DBX2: variants seen among roughly 807,000 people sequenced by gnomAD.
DBX2 encodes homeobox protein DBX2.
A neutral mutation model predicts 17.7 loss-of-function variants in DBX2; 16 were observed. That is an observed-to-expected ratio of 0.90 (90% CI 0.61 to 1.37). The LOEUF (loss-of-function observed/expected upper bound fraction) is 1.37. Ranked by LOEUF, DBX2 falls within the 40% of genes most tolerant of loss-of-function variation. DBX2 has a pLI of 0.00. For missense variants in DBX2, 538 were observed against 433.8 expected (o/e 1.24, Z -2.13); for synonymous variants, 255 against 183.8 (o/e 1.39, Z -3.13).
At position 45,037,452 on chromosome 12, in the gene DBX2, G is replaced by T. The variant is rs528644197; in HGVS notation, c.404-1338C>A. On this transcript the variant is annotated intron_variant, in intron 1 of 3. Transcript: ENST00000332700. ...GTCTTAGGGAAAGAATGAGGATCAA[G>T]AATTAATCCTTCCCCTGCTTCCTGA... Among the ~76,000 whole-genome samples, 3 of 152,252 alleles carry T rather than the reference G, an allele frequency of 2.0e-5. No individual in the cohort carries two copies. The South Asian group carries it at 6.2e-4, about 32-fold the overall frequency.
intron 1 of DBX2, among the ~76,000 whole-genome samples, chr12:45,039,427 T>G (rs1946459416): frequency 2.0e-5 from 3 of 151,034 alleles, no homozygotes; most frequent in African/African-American, 4.9e-5. Context: ...ATAGATGTGC[T>G]GTAAACCCTT....
chr12:45,035,782 T>C (rs940980992), intron 2 of DBX2, among the ~76,000 whole-genome samples: 4 of 152,118 alleles, frequency 2.6e-5, no homozygotes, highest in African/African-American at 7.2e-5. Context: ...GGAAAACAAG[T>C]TGCTTTCGGT....
At position 45,023,825 on chromosome 12, in the gene DBX2, C is replaced by T. The variant is rs2137020334; in HGVS notation, c.569G>A (p.Arg190Lys). Residue 190 changes from arginine to lysine, a missense_variant, in exon 3 of 4, where the codon AGA becomes AAA. Arg to Lys is a conservative substitution (Grantham distance 26). Transcript: ENST00000332700. ...NSKARRGILR[R>K]AVFSEDQRKA... is the part of the protein sequence containing the mutation. The stretch of plus-strand genomic sequence containing the variant: ...TCTCTGGTCCTCAGAAAAGACAGCT[C>T]TTCTTAAAATGCCCCTCCGAGCTTT... 6.2e-7 allele frequency: 1 copy of T among 1,610,652 alleles called. No individual in the cohort carries two copies. The highest frequency in any genetic ancestry group is 8.5e-7 in the Non-Finnish European group (1 of 1,178,686).
chr12:45,023,328 G>A (rs1946363312), intron 3 of DBX2, among the ~76,000 whole-genome samples: 1 of 152,238 alleles, frequency 6.6e-6, no homozygotes, highest in East Asian at 1.9e-4. Flanking sequence ...CCTACTTTTT[G>A]AAGAATTATT....
At chr12:45,035,671 T>G (rs1409619032) in intron 2 of DBX2, among the ~76,000 whole-genome samples, 1 of 152,174 alleles carries the variant, frequency 6.6e-6, no homozygotes, top group African/African-American at 2.4e-5. Flanking sequence ...ACAGCACAAT[T>G]TTTCGCCTTC....
Position 45,050,995 on chromosome 12 carries a change from G to T in DBX2, c.-68C>A. On this transcript the variant is annotated 5_prime_UTR_variant, in exon 1 of 4. Coordinates refer to ENST00000332700, the MANE Select transcript of DBX2 (RefSeq NM_001004329.3). Reference sequence around the variant, plus strand: ...GCCTGTCGCCCGGGCGCCCCGCACCGCACCCAGAGCCGCAGCTTCTCGCCG... The same window carrying T: ...GCCTGTCGCCCGGGCGCCCCGCACCTCACCCAGAGCCGCAGCTTCTCGCCG... 1 of 1,324,238 alleles carries T rather than the reference G, an allele frequency of 7.6e-7. No homozygotes were observed. The highest frequency in any genetic ancestry group is 3.2e-5 in the East Asian group (1 of 31,446). The allele number at this position is 1,324,238 out of a possible 1,614,324, so 82.0% of individuals were successfully genotyped here.
chr12:45,034,128 C>CA (rs1565583826), intron 2 of DBX2, among the ~76,000 whole-genome samples: 49 of 150,094 alleles, frequency 3.3e-4, no homozygotes, highest in African/African-American at 1.1e-3. Context: ...ACACCCACAC[C>CA]CACACACACA....
rs990061509 is a variant in DBX2, at chr12:45,032,304, GA to G, written c.499+3714del. On this transcript the variant is annotated intron_variant, in intron 2 of 3. Coordinates refer to ENST00000332700, the MANE Select transcript of DBX2 (RefSeq NM_001004329.3). Reference sequence around the variant, plus strand: ...TATAATTAGCCTCCTTTTTATATTAGAAAAAAAATTCTGCATCCCTCTGAAG... The same window carrying G: ...TATAATTAGCCTCCTTTTTATATTAGAAAAAAATTCTGCATCCCTCTGAAG... 3.9e-5 allele frequency among the ~76,000 whole-genome samples: 6 copies of G among 152,008 alleles called. No individual in the cohort carries two copies. In the East Asian group the frequency reaches 9.7e-4, roughly 24 times the overall value.
chr12:45,018,651 A>G (rs1246227277), intron 3 of DBX2, among the ~76,000 whole-genome samples: 1 of 152,086 alleles, frequency 6.6e-6, no homozygotes, highest in Non-Finnish European at 1.5e-5. Context: ...AAAACTACCC[A>G]ACAAAACTAA....
Position 45,050,866 on chromosome 12 carries a change from G to A in DBX2, c.62C>T (p.Ala21Val), listed in dbSNP as rs894257354. ...GGGCGCAGCGGGGAGGTTGAGGAGCGCGGAGGAAGCCACAACGTCCCAGTA... is the reference window on the plus strand; with the variant it reads ...GGGCGCAGCGGGGAGGTTGAGGAGCACGGAGGAAGCCACAACGTCCCAGTA... ...GAYWDVVASS[A>V]LLNLPAAPGF... is the part of the protein sequence containing the mutation. The change falls in exon 1 of 4, where the codon GCG becomes GTG. Residue 21 changes from alanine (A) to valine (V), a missense_variant. Physicochemically the swap from Ala to Val is moderately conservative, Grantham distance 64 (BLOSUM62 0). Coordinates refer to ENST00000332700, the MANE Select transcript of DBX2 (RefSeq NM_001004329.3). 2 of 1,535,224 alleles carry A rather than the reference G, an allele frequency of 1.3e-6. No homozygotes were observed. Among genetic ancestry groups the A allele is most frequent in the African/African-American group, 1.4e-5 (1 of 70,342 alleles).
Position 45,036,059 on chromosome 12 carries a change from A to T in DBX2, c.459T>A (p.Gly153=). The change falls in exon 2 of 4, where the codon GGT becomes GGA. Residue 153 remains glycine, a synonymous_variant. Transcript: ENST00000332700. ...STPPFYSACC[G]GSCRRPASST... ...AGGATGCAGGGCGCCGACAGGACCC[A>T]CCGCAGCACGCCGAGTAGAATGGCG... 6.2e-7 allele frequency: 1 copy of T among 1,613,880 alleles called. No homozygotes were observed. The highest frequency in any genetic ancestry group is 8.5e-7 in the Non-Finnish European group (1 of 1,179,954).
chr12:45,027,607 A>AT (rs1307127483), intron 2 of DBX2, among the ~76,000 whole-genome samples: 1 of 152,212 alleles, frequency 6.6e-6, no homozygotes, highest in Non-Finnish European at 1.5e-5. Context: ...TTACATTATG[A>AT]TTTTTTAAAG....
intron 3 of DBX2, among the ~76,000 whole-genome samples, chr12:45,022,308 T>G (rs1250219864): frequency 7.2e-6 from 1 of 138,788 alleles, no homozygotes; most frequent in Admixed American, 7.3e-5. Context: ...GTTTTTTTTT[T>G]TTTTTTTTTT....
At chr12:45,026,582 G>A (rs1370722925) in intron 2 of DBX2, among the ~76,000 whole-genome samples, 1 of 152,104 alleles carries the variant, frequency 6.6e-6, no homozygotes, top group Non-Finnish European at 1.5e-5. Context: ...ACACAATACT[G>A]GCATAAACTG....
chr12:45,044,999 TAAGTATG>T, intron 1 of DBX2, among the ~76,000 whole-genome samples: 4 of 152,134 alleles, frequency 2.6e-5, no homozygotes, highest in African/African-American at 9.6e-5. Context: ...AAGGGCCTGG[TAAGTATG>T]TTATATGTTA....
intron 1 of DBX2, among the ~76,000 whole-genome samples, chr12:45,049,225 T>C (rs1315153068): frequency 2.0e-5 from 3 of 152,362 alleles, no homozygotes; most frequent in African/African-American, 7.2e-5. Flanking sequence ...CCAAAAGTTA[T>C]GCAAATCAAC....
At chr12:45,047,728 C>T (rs771578015) in intron 1 of DBX2, among the ~76,000 whole-genome samples, 11 of 151,954 alleles carry the variant, frequency 7.2e-5, no homozygotes, top group Non-Finnish European at 1.5e-4. Context: ...TCCAATTGGC[C>T]CTCATTATTT....
chr12:45,020,051 T>C (rs1045891266), intron 3 of DBX2, among the ~76,000 whole-genome samples: 2 of 152,178 alleles, frequency 1.3e-5, no homozygotes, highest in African/African-American at 4.8e-5. Flanking sequence ...ATTGAGCCTA[T>C]AATTCACATA....
chr12:45,034,797 G>C (rs1026275487), intron 2 of DBX2, among the ~76,000 whole-genome samples: 17 of 152,220 alleles, frequency 1.1e-4, no homozygotes, highest in Non-Finnish European at 2.1e-4. Flanking sequence ...ATGTGAGACA[G>C]GAGAAAAGAC....
Sources: allele counts gnomAD v4.1 joint callset (sites outside exome capture counted in the v4.1 genomes callset), GRCh38; gene constraint gnomAD v4.1.1; transcripts MANE v1.5; gene names NCBI Gene and HGNC (gene_info 2026-07-23, HGNC 2026-07-21).